Variants in RHCE observed in about 807,000 individuals in gnomAD.
RHCE encodes the protein blood group Rh(CE) polypeptide.
RHCE carries 22 observed loss-of-function variants against 43.8 expected under a neutral mutation model. That is an observed-to-expected ratio of 0.50 (90% CI 0.36 to 0.72). The LOEUF is 0.72. RHCE is among the 30% of genes least tolerant of loss of function. The probability of loss-of-function intolerance (pLI) is 0.00; values close to 1 mark genes in which losing one functional copy is unlikely to be tolerated. For synonymous variants in RHCE, 156 were observed against 210.7 expected (o/e 0.74, Z 2.25); for missense variants, 385 against 525.4 (o/e 0.73, Z 2.61).
At position 25,389,003 on chromosome 1, in the gene RHCE, G is replaced by C. The variant is rs772396610; in HGVS notation, c.912C>G (p.Ile304Met). ...AMVLGLVAGL[I>M]SIGGAKCLPV... ...GCAGGCACTTGGCTCCCCCGATGGA[G>C]ATCAGCCCAGCCACAAGACCCAGCA... The change falls in exon 6 of 10, where the codon ATC becomes ATG. Residue 304 changes from isoleucine to methionine, a missense_variant. Ile to Met is a conservative substitution (Grantham distance 10, BLOSUM62 1). This residue lies in a region of RHCE where 82 missense variants were observed against 69.2 expected (regional missense o/e 1.18). Coordinates refer to ENST00000294413, the MANE Select transcript of RHCE (RefSeq NM_020485.8). 6.2e-7 allele frequency: 1 copy of C among 1,614,216 alleles called. No homozygotes were observed. Among genetic ancestry groups the C allele is most frequent in the East Asian group, 2.2e-5 (1 of 44,882 alleles).
chr1:25,371,160 T>A (rs1645600841), intron 8 of RHCE, among the ~76,000 whole-genome samples: 1 of 148,784 alleles, frequency 6.7e-6, no homozygotes, highest in South Asian at 2.1e-4. Flanking sequence ...CCAGACGGAG[T>A]AGAAGGGCCC....
upstream of RHCE, among the ~76,000 whole-genome samples, chr1:25,424,207 G>A (rs1250574036): frequency 1.3e-5 from 2 of 152,152 alleles, no homozygotes; most frequent in Middle Eastern, 3.2e-3. Context: ...ATGATGTTCC[G>A]TAGGTTAGGT....
chr1:25,391,725 A>G (rs777370936), intron 4 of RHCE, among the ~76,000 whole-genome samples: 3 of 152,156 alleles, frequency 2.0e-5, no homozygotes, highest in Non-Finnish European at 4.4e-5. Context: ...TTTCAGTTGA[A>G]AACAAAGGGA....
intron 1 of RHCE, among the ~76,000 whole-genome samples, chr1:25,412,681 C>T (rs1254913214): frequency 2.8e-5 from 4 of 144,536 alleles, no homozygotes; most frequent in African/African-American, 1.0e-4. Context: ...CACTATACTC[C>T]AGCAGCCTAG....
chr1:25,411,504 C>A, intron 1 of RHCE: 3 of 1,520,484 alleles, frequency 2.0e-6, no homozygotes, highest in Non-Finnish European at 2.7e-6. Context: ...AGGGAGGACA[C>A]TGACATTTCC....
At chr1:25,423,132 G>T (rs1282170033), upstream of RHCE, among the ~76,000 whole-genome samples, 2 of 152,144 alleles carry the variant, frequency 1.3e-5, no homozygotes, top group Non-Finnish European at 2.9e-5. Flanking sequence ...AAGGGGGAGG[G>T]TACCCCAATC....
upstream of RHCE, among the ~76,000 whole-genome samples, chr1:25,424,579 G>T (rs2042791058): frequency 6.6e-6 from 1 of 151,924 alleles, no homozygotes; most frequent in Non-Finnish European, 1.5e-5. Context: ...GTAGAGACAG[G>T]GTTTCACCAC....
chr1:25,423,291 A>T (rs527430253), upstream of RHCE, among the ~76,000 whole-genome samples: 1 of 152,308 alleles, frequency 6.6e-6, no homozygotes, highest in South Asian at 2.1e-4. Context: ...ACCCCTGCTA[A>T]CCTGGGCCCA....
intron 2 of RHCE, among the ~76,000 whole-genome samples, chr1:25,404,728 T>G (rs1196927587): frequency 6.6e-6 from 1 of 151,994 alleles, no homozygotes; most frequent in East Asian, 1.9e-4. Context: ...CTGGGCAACT[T>G]ATTTAATCAC....
intron 4 of RHCE, among the ~76,000 whole-genome samples, chr1:25,391,565 C>T (rs142208487): frequency 2.1e-4 from 32 of 152,086 alleles, no homozygotes; most frequent in Non-Finnish European, 4.0e-4. Flanking sequence ...TGCCTACTAT[C>T]AAGCTCACTG....
intron 3 of RHCE, among the ~76,000 whole-genome samples, chr1:25,397,023 A>C (rs922002250): frequency 1.3e-5 from 2 of 148,742 alleles, no homozygotes; most frequent in Non-Finnish European, 3.0e-5. Flanking sequence ...GAGGCACAAG[A>C]ATTGCTTGAA....
rs1472916258 is a variant in RHCE at position 25,378,055 on chromosome 1, A to C, written c.1074-2627T>G. ...AGACATTTCACAAGAAAAGATATTC[A>C]ACTGTCCAAAAAGCATATTAAAAGT... On this transcript the variant is annotated intron_variant, in intron 7 of 9. Transcript: ENST00000294413. Among the ~76,000 whole-genome samples, 10 of 152,368 alleles carry C rather than the reference A, an allele frequency of 6.6e-5. No individual in the cohort carries two copies. In the South Asian group the frequency reaches 1.0e-3, roughly 16 times the overall value.
At chr1:25,402,785 A>T (rs1046981853) in intron 2 of RHCE, 39 bp from the exon 3 acceptor site, 4 of 1,611,312 alleles carry the variant, frequency 2.5e-6, no homozygotes, top group African/African-American at 1.3e-5. Flanking sequence ...CTGAGAAGGA[A>T]GGATGCCTCT....
At chr1:25,381,352 C>A (rs1645992939) in intron 7 of RHCE, among the ~76,000 whole-genome samples, 1 of 152,134 alleles carries the variant, frequency 6.6e-6, no homozygotes, top group Non-Finnish European at 1.5e-5. Context: ...TCAACGACTT[C>A]AGTAACCATT....
chr1:25,368,999 G>C (rs368672404), intron 9 of RHCE, among the ~76,000 whole-genome samples: 1 of 151,744 alleles, frequency 6.6e-6, no homozygotes, highest in Non-Finnish European at 1.5e-5. Context: ...GACCTCAAGT[G>C]ATCCACCCGC....
At chr1:25,410,911 GA>G (rs1266503590) in intron 1 of RHCE, among the ~76,000 whole-genome samples, 1 of 151,968 alleles carries the variant, frequency 6.6e-6, no homozygotes, top group Non-Finnish European at 1.5e-5. Flanking sequence ...CCAACATGGT[GA>G]AACCCCGTCT....
chr1:25,424,353 C>A (rs1345056039), upstream of RHCE, among the ~76,000 whole-genome samples: 1 of 152,038 alleles, frequency 6.6e-6, no homozygotes, highest in Non-Finnish European at 1.5e-5. Context: ...CTCCACCATC[C>A]CCTTCTCAGG....
At position 25,394,014 on chromosome 1, in the gene RHCE, G is replaced by T. The variant is rs576647453; in HGVS notation, c.487-1873C>A. Among the ~76,000 whole-genome samples, 13 of 152,160 alleles carry T rather than the reference G, an allele frequency of 8.5e-5. No individual in the cohort carries two copies. The East Asian group carries it at 2.3e-3, about 27-fold the overall frequency. On this transcript the variant is annotated intron_variant, in intron 3 of 9. Coordinates refer to ENST00000294413, the MANE Select transcript of RHCE (RefSeq NM_020485.8). Reference sequence around the variant, plus strand: ...TATTTATTTATTTATTTTTGAGACGGAGTCTCGCTCTGTCGCCAGGCTGGA... The same window carrying T: ...TATTTATTTATTTATTTTTGAGACGTAGTCTCGCTCTGTCGCCAGGCTGGA...
upstream of RHCE, among the ~76,000 whole-genome samples, chr1:25,424,279 C>A (rs2042788782): frequency 6.6e-6 from 1 of 152,154 alleles, no homozygotes; most frequent in Non-Finnish European, 1.5e-5. Context: ...CAGGACATAA[C>A]CTCATCGAAA....
Sources: gnomAD v4.1 joint callset for allele counts (sites outside exome capture counted in the v4.1 genomes callset) on GRCh38, gnomAD v4.1.1 for gene constraint, gnomAD v4.1.1 regional missense constraint, MANE v1.5 for transcripts, NCBI Gene and HGNC (gene_info 2026-07-23, HGNC 2026-07-21) for gene names.